PCDHA3: variants seen among roughly 807,000 people sequenced by gnomAD.
PCDHA3 encodes protocadherin alpha 3, also known as protocadherin alpha-3.
PCDHA3 carries 41 observed loss-of-function variants against 62.2 expected under a neutral mutation model. That is an observed-to-expected ratio of 0.66 (90% CI 0.51 to 0.86). The LOEUF (loss-of-function observed/expected upper bound fraction) is 0.86. Among genes scored for constraint, PCDHA3 ranks in the 40% least tolerant of loss-of-function variants. The pLI is 0.00. For missense variants in PCDHA3, 1,304 were observed against 1,241.2 expected, an observed-to-expected ratio of 1.05 and a Z score of -0.76; for synonymous variants, 640 against 555.4, an observed-to-expected ratio of 1.15 and a Z score of -2.14.
chr5:140,809,186 G>T, intron 1 of PCDHA3: 1 of 1,614,038 alleles, frequency 6.2e-7, no homozygotes, highest in Non-Finnish European at 8.5e-7. Context: ...CACTGTGCTG[G>T]TGTCACTTGT....
At chr5:140,871,294 T>C in intron 1 of PCDHA3, 1 of 1,613,852 alleles carries the variant, frequency 6.2e-7, no homozygotes, top group Non-Finnish European at 8.5e-7. Context: ...TGAGGGCGCG[T>C]GCGCGCCGGG....
At chr5:140,927,300 C>T (rs2084061617) in intron 1 of PCDHA3, 2 of 1,614,052 alleles carry the variant, frequency 1.2e-6, no homozygotes, top group South Asian at 2.2e-5. Flanking sequence ...TCCCCGAGTT[C>T]CTGACGCCCG....
At chr5:140,828,819 A>C (rs140245330) in intron 1 of PCDHA3, 1 of 1,614,224 alleles carries the variant, frequency 6.2e-7, no homozygotes, top group Non-Finnish European at 8.5e-7. Context: ...CCCACTTTCG[A>C]ACAGTCTGAA....
chr5:140,850,641 C>G lies in PCDHA3; in HGVS notation c.2394+47050C>G, dbSNP rs2041729917. 1.9e-6 allele frequency: 3 copies of G among 1,598,540 alleles called. No homozygotes were observed. Among genetic ancestry groups the G allele is most frequent in the African/African-American group, 1.3e-5 (1 of 74,394 alleles). On this transcript the variant is annotated intron_variant, in intron 1 of 3. Coordinates refer to ENST00000522353, the MANE Select transcript of PCDHA3 (RefSeq NM_018906.3). ...GTCTAGCCTGTTGGTTCTCACGCTG[C>G]TGCTGTACACTGTGCTGCGGTGCTC...
chr5:141,004,148 C>T (rs971282591), intron 3 of PCDHA3, among the ~76,000 whole-genome samples: 1 of 152,222 alleles, frequency 6.6e-6, no homozygotes, highest in African/African-American at 2.4e-5. Context: ...AAAGGCATGA[C>T]ATTTTATAGG....
intron 1 of PCDHA3, chr5:140,871,144 A>T (rs1554165205): frequency 6.2e-7 from 1 of 1,613,222 alleles, no homozygotes; most frequent in African/African-American, 1.3e-5. Context: ...CTCTTCCCGG[A>T]CTTTGGCGGG....
At chr5:140,840,486 A>G (rs1263185469) in intron 1 of PCDHA3, among the ~76,000 whole-genome samples, 5 of 152,034 alleles carry the variant, frequency 3.3e-5, no homozygotes, top group Admixed American at 3.3e-4. Context: ...TAAAGGCATA[A>G]TTCTGGTAAA....
chr5:141,010,202 G>A lies in PCDHA3; in HGVS notation c.*265G>A, dbSNP rs1354578914. The A allele has an allele frequency of 2.5e-5, 39 of 1,551,826 alleles. No homozygotes were observed. The highest frequency in any genetic ancestry group is 3.1e-5 in the Non-Finnish European group (36 of 1,147,058). On this transcript the variant is annotated 3_prime_UTR_variant, in exon 4 of 4. Transcript: ENST00000522353. ...CAGACCCAAGTTTCCTTTCTCCTCCGCCGCAAAGGAGAGGCTTCCCAGCCC... is the reference window on the plus strand; with the variant it reads ...CAGACCCAAGTTTCCTTTCTCCTCCACCGCAAAGGAGAGGCTTCCCAGCCC...
chr5:140,870,745 G>T (rs369212308), intron 1 of PCDHA3: 8 of 1,613,530 alleles, frequency 5.0e-6, no homozygotes, highest in Admixed American at 3.3e-5. Flanking sequence ...GAGCAGCAAC[G>T]TGACGCTGCA....
chr5:140,828,105 CG>C (rs2150151018), intron 1 of PCDHA3: 1 of 1,610,250 alleles, frequency 6.2e-7, no homozygotes, highest in Non-Finnish European at 8.5e-7. Flanking sequence ...GTGTTTACCC[CG>C]GAGGATAGAT....
At chr5:140,809,321 G>T (rs1169021514) in intron 1 of PCDHA3, 4 of 1,614,100 alleles carry the variant, frequency 2.5e-6, no homozygotes, top group Non-Finnish European at 3.4e-6. Context: ...CAGCCTTTTG[G>T]TGCTCACGCT....
chr5:140,984,682 A>G (rs2097114582), intron 3 of PCDHA3, among the ~76,000 whole-genome samples: 2 of 152,136 alleles, frequency 1.3e-5, no homozygotes, highest in Non-Finnish European at 2.9e-5. Context: ...AGGACTCAAT[A>G]TATGTTCTGC....
At chr5:140,824,105 A>G in intron 1 of PCDHA3, 1 of 1,614,110 alleles carries the variant, frequency 6.2e-7, no homozygotes, top group East Asian at 2.2e-5. Flanking sequence ...AGCCTTCCTC[A>G]GGGTCCCACC....
chr5:140,857,703 T>C (rs782327503), intron 1 of PCDHA3: 6 of 1,597,222 alleles, frequency 3.8e-6, no homozygotes, highest in Middle Eastern at 1.8e-4. Flanking sequence ...ACGCTGCAGG[T>C]GTTCGTGCTG....
rs2150531861 is a variant in PCDHA3, at chr5:140,853,433, C to T, written c.2394+49842C>T. Reference sequence around the variant, plus strand: ...AGGTGAAAGCAGAAGAGACACTTTCCTATTTTGCCTAATAGGTCTCCTTAT... The same window carrying T: ...AGGTGAAAGCAGAAGAGACACTTTCTTATTTTGCCTAATAGGTCTCCTTAT... On this transcript the variant is annotated intron_variant, in intron 1 of 3. Coordinates refer to ENST00000522353, the MANE Select transcript of PCDHA3 (RefSeq NM_018906.3). The T allele has an allele frequency of 2.1e-5, 21 of 984,946 alleles. 3 individuals carry two copies. The highest frequency in any genetic ancestry group is 2.3e-5 in the Non-Finnish European group (19 of 817,128). 61.0% of individuals were successfully genotyped at this position (984,946 alleles called of 1,614,324 possible).
intron 1 of PCDHA3, among the ~76,000 whole-genome samples, chr5:140,844,413 A>C (rs1581068328): frequency 6.7e-6 from 1 of 149,462 alleles, no homozygotes; most frequent in South Asian, 2.1e-4. Flanking sequence ...ATTTGGAGAC[A>C]TGTTTTTTAT....
In PCDHA3 at chr5:140,869,280, G is replaced by A. The variant is rs1294171258; in HGVS notation, c.2394+65689G>A. 8 of 1,613,486 alleles carry A rather than the reference G, an allele frequency of 5.0e-6. No individual in the cohort carries two copies. In the African/African-American group the frequency reaches 8.0e-5, roughly 16 times the overall value. On this transcript the variant is annotated intron_variant, in intron 1 of 3. Transcript: ENST00000522353. ...ACCTGGGGCTGGAGCTGGCGGAGCT[G>A]GTGCAGCGCCTGTTCCGGGTGGCGT...
At chr5:140,835,564 C>T (rs2150238347) in intron 1 of PCDHA3, 1 of 1,613,820 alleles carries the variant, frequency 6.2e-7, no homozygotes, top group African/African-American at 1.3e-5. Context: ...CCCCGCGTTC[C>T]CTTCAAGTTG....
chr5:140,819,042 G>A (rs1766479997), intron 1 of PCDHA3, among the ~76,000 whole-genome samples: 1 of 152,140 alleles, frequency 6.6e-6, no homozygotes, highest in African/African-American at 2.4e-5. Context: ...CCCTTATAGG[G>A]CAGTTATACC....
Sources: allele counts gnomAD v4.1 joint callset (sites outside exome capture counted in the v4.1 genomes callset), GRCh38; gene constraint gnomAD v4.1.1; transcripts MANE v1.5; gene names NCBI Gene and HGNC (gene_info 2026-07-23, HGNC 2026-07-21).